EIF2B3: variants seen among roughly 807,000 people sequenced by gnomAD.
The protein encoded by EIF2B3 is eukaryotic translation initiation factor 2B subunit gamma.
A neutral mutation model predicts 54.1 loss-of-function variants in EIF2B3; 20 were observed. The observed-to-expected ratio is 0.37, with a 90% CI of 0.26 to 0.54. EIF2B3 has a LOEUF of 0.54. Among genes scored for constraint, EIF2B3 ranks in the 20% least tolerant of loss-of-function variants. EIF2B3 has a pLI of 0.86. For synonymous variants in EIF2B3, 153 were observed against 188.1 expected (o/e 0.81, Z 1.52); for missense variants, 448 against 547.8 (o/e 0.82, Z 1.82).
chr1:44,897,797 C>A (rs551609628), intron 5 of EIF2B3, among the ~76,000 whole-genome samples: 10 of 144,872 alleles, frequency 6.9e-5, no homozygotes, highest in Admixed American at 6.3e-4. Context: ...AGTGCAGTGG[C>A]GTGATCTCGG....
intron 8 of EIF2B3, 114 bp from the exon 9 acceptor site, chr1:44,875,809 T>C: frequency 3.5e-6 from 3 of 845,954 alleles, no homozygotes; most frequent in Non-Finnish European, 5.9e-6. Flanking sequence ...TCTCCCTCTC[T>C]TTCCACGGTC....
intron 3 of EIF2B3, among the ~76,000 whole-genome samples, chr1:44,976,109 G>A (rs1028318507): frequency 2.6e-5 from 4 of 152,256 alleles, no homozygotes; most frequent in South Asian, 2.1e-4. Context: ...GAAAAAATCA[G>A]TAATTTGGAT....
intron 3 of EIF2B3, among the ~76,000 whole-genome samples, chr1:44,943,837 T>C (rs1453802648): frequency 6.6e-6 from 1 of 152,200 alleles, no homozygotes. Flanking sequence ...TCTGTATTAC[T>C]GAATAGTGTT....
intron 6 of EIF2B3, among the ~76,000 whole-genome samples, chr1:44,885,713 T>C (rs555837520): frequency 1.3e-5 from 2 of 151,586 alleles, no homozygotes; most frequent in East Asian, 1.9e-4. Flanking sequence ...AATACCTCTA[T>C]AACAGAATGT....
intron 10 of EIF2B3, among the ~76,000 whole-genome samples, chr1:44,860,545 A>G (rs1557659109): frequency 2.6e-5 from 4 of 152,232 alleles, no homozygotes; most frequent in Admixed American, 2.6e-4. Context: ...ACAGATTTAG[A>G]GAAGTTAAAC....
chr1:44,984,317 A>AC (rs1644546221), intron 1 of EIF2B3, among the ~76,000 whole-genome samples: 1 of 152,024 alleles, frequency 6.6e-6, no homozygotes, highest in Non-Finnish European at 1.5e-5. Flanking sequence ...ACATGGTGAG[A>AC]CCCCATCTCT....
intron 5 of EIF2B3, among the ~76,000 whole-genome samples, chr1:44,916,025 T>C (rs3121174): frequency 2.6e-5 from 4 of 152,194 alleles, no homozygotes; most frequent in African/African-American, 9.6e-5. Flanking sequence ...AGCAATGTTT[T>C]TTCTTCCCAC....
intron 10 of EIF2B3, among the ~76,000 whole-genome samples, chr1:44,859,036 C>T (rs1654527549): frequency 6.6e-6 from 1 of 152,148 alleles, no homozygotes; most frequent in African/African-American, 2.4e-5. Context: ...TGGTGGCTCA[C>T]CCCTGTAATA....
intron 5 of EIF2B3, among the ~76,000 whole-genome samples, chr1:44,912,355 A>G (rs1157774504): frequency 1.3e-5 from 2 of 152,180 alleles, no homozygotes; most frequent in Non-Finnish European, 2.9e-5. Context: ...ATACTTTTCA[A>G]GTCTTATATA....
chr1:44,945,022 G>A (rs986003133), intron 3 of EIF2B3, among the ~76,000 whole-genome samples: 6 of 151,994 alleles, frequency 3.9e-5, no homozygotes, highest in African/African-American at 1.4e-4. Context: ...AGTCTTGTTT[G>A]CTCAGAAAGT....
In EIF2B3 at chr1:44,879,974, C is replaced by T; in HGVS notation, c.819G>A (p.Leu273=). 6.2e-7 allele frequency: 1 copy of T among 1,614,206 alleles called. No homozygotes were observed. The highest frequency in any genetic ancestry group is 1.3e-5 in the African/African-American group (1 of 75,052). Residue 273 remains leucine (L), a synonymous_variant, in exon 8 of 12, where the codon CTG becomes CTA. Transcript: ENST00000360403. ...AGCAGGCATCATAGGGAGCCAGGTT[C>T]AGTGTATTGGCTTCTTTTATAAAAC... ...IYSFIKEANT[L]NLAPYDACWN...
At chr1:44,900,712 C>T (rs1378248564) in intron 5 of EIF2B3, among the ~76,000 whole-genome samples, 1 of 152,054 alleles carries the variant, frequency 6.6e-6, no homozygotes, top group Non-Finnish European at 1.5e-5. Context: ...CCTCCTGTCT[C>T]TATAGATTTA....
chr1:44,938,876 T>C (rs1227299875), intron 4 of EIF2B3, among the ~76,000 whole-genome samples: 4 of 151,576 alleles, frequency 2.6e-5, no homozygotes, highest in South Asian at 2.1e-4. Flanking sequence ...GGCAGGGAGA[T>C]TGCTTTTGAG....
At chr1:44,862,254 C>T (rs763017484) in intron 10 of EIF2B3, among the ~76,000 whole-genome samples, 14 of 152,182 alleles carry the variant, frequency 9.2e-5, no homozygotes, top group Non-Finnish European at 1.8e-4. Context: ...TTCTCTAAGA[C>T]GCTGCTCAGT....
intron 5 of EIF2B3, among the ~76,000 whole-genome samples, chr1:44,903,039 C>G (rs1643345199): frequency 6.6e-6 from 1 of 152,066 alleles, no homozygotes; most frequent in South Asian, 2.1e-4. Flanking sequence ...GTAAGAAAGA[C>G]TAACACACAG....
intron 8 of EIF2B3, 78 bp from the exon 9 acceptor site, chr1:44,875,773 C>T: frequency 1.8e-6 from 2 of 1,105,470 alleles, no homozygotes; most frequent in Non-Finnish European, 2.8e-6. Flanking sequence ...CTCTACCTCT[C>T]CCACTCCCCC....
At chr1:44,918,332 T>C (rs1199230325) in intron 5 of EIF2B3, among the ~76,000 whole-genome samples, 3 of 152,016 alleles carry the variant, frequency 2.0e-5, no homozygotes, top group Non-Finnish European at 2.9e-5. Context: ...CCTGGCCGTC[T>C]TGGCCTCCCA....
chr1:44,874,938 C>G, intron 9 of EIF2B3, 112 bp from the exon 10 acceptor site: 1 of 1,304,188 alleles, frequency 7.7e-7, no homozygotes, highest in Non-Finnish European at 1.1e-6. Flanking sequence ...GACACTTCAG[C>G]AAGAGGGACC....
intron 3 of EIF2B3, among the ~76,000 whole-genome samples, chr1:44,966,726 GTTA>G (rs1402001744): frequency 2.0e-5 from 3 of 152,032 alleles, no homozygotes; most frequent in African/African-American, 7.2e-5. Context: ...CCTATACAAA[GTTA>G]TTATCAAAAA....
Sources: gnomAD v4.1 joint callset for allele counts (sites outside exome capture counted in the v4.1 genomes callset) on GRCh38, gnomAD v4.1.1 for gene constraint, MANE v1.5 for transcripts, NCBI Gene and HGNC (gene_info 2026-07-23, HGNC 2026-07-21) for gene names.